Variants in MUC5B observed in about 807,000 individuals in gnomAD.
MUC5B encodes mucin-5B.
In MUC5B, 116 loss-of-function variants were observed where a neutral mutation model predicts 376.9. The ratio of observed to expected loss-of-function variants is 0.31; its 90% CI spans 0.26 to 0.36. The LOEUF (loss-of-function observed/expected upper bound fraction) is 0.36, where lower values mean the gene tolerates loss of function less well. MUC5B is among the 10% of genes least tolerant of loss of function. MUC5B has a pLI of 1.00. For missense variants in MUC5B, 7,165 were observed against 7,769.9 expected (o/e 0.92, Z 2.93); for synonymous variants, 3,517 against 3,390.9 (o/e 1.04, Z -1.29).
chr11:1,233,323 G>A (rs996108868), intron 18 of MUC5B, 55 bp downstream of exon 18: 48 of 1,456,752 alleles, frequency 3.3e-5, no homozygotes, highest in Middle Eastern at 2.0e-4. Context: ...GCCACTTCCC[G>A]CCCTCCCCGA....
rs369723768 is a variant in MUC5B at position 1,245,338 on chromosome 11, G to A, written c.8458G>A (p.Glu2820Lys). 5.5e-5 allele frequency: 87 copies of A among 1,593,864 alleles called. 3 individuals are homozygous for A. Among genetic ancestry groups the A allele is most frequent in the Non-Finnish European group, 7.2e-5 (84 of 1,170,804 alleles). ...SSPHPSSRTT[E>K]SPPSPGTTTP... The stretch of plus-strand genomic sequence containing the variant: ...CCCTCACCCTAGCAGCAGGACCACC[G>A]AGTCACCCCCTTCTCCAGGGACGAC... Residue 2820 changes from glutamate (E) to lysine (K), a missense_variant, in exon 31 of 49, where the codon GAG becomes AAG. Physicochemically the swap from Glu to Lys is moderately conservative, Grantham distance 56. This residue lies in a region of MUC5B where 50 missense variants were observed against 66.4 expected (regional missense o/e 0.75). Coordinates refer to ENST00000529681, the MANE Select transcript of MUC5B (RefSeq NM_002458.3).
chr11:1,228,109 G>A (rs150171247), intron 7 of MUC5B, among the ~76,000 whole-genome samples: 39 of 152,310 alleles, frequency 2.6e-4, no homozygotes, highest in African/African-American at 8.9e-4. Flanking sequence ...GAGGCTCCAG[G>A]ATCCCCAAAC....
rs1416351964 is a variant in MUC5B, at chr11:1,258,083, C to T, written c.16451-16C>T. 6.4e-7 allele frequency: 1 copy of T among 1,563,202 alleles called. No homozygotes were observed. Among genetic ancestry groups the T allele is most frequent in the South Asian group, 1.2e-5 (1 of 85,074 alleles). On this transcript the variant is annotated splice_polypyrimidine_tract_variant and intron_variant, in intron 41 of 48. Coordinates refer to ENST00000529681, the MANE Select transcript of MUC5B (RefSeq NM_002458.3). The surrounding 1 kb of genome is among the most constrained non-coding windows in gnomAD (Gnocchi z 5.5). ...GAGTGAGCAGCGCCCAGACAGTGGCCTCCATCCTCCCGCAGTGTGCAACAC... is the reference window on the plus strand; with the variant it reads ...GAGTGAGCAGCGCCCAGACAGTGGCTTCCATCCTCCCGCAGTGTGCAACAC...
At chr11:1,235,524 G>A in intron 23 of MUC5B, 111 bp downstream of exon 23, 1 of 907,092 alleles carries the variant, frequency 1.1e-6, no homozygotes, top group African/African-American at 1.6e-5. Context: ...CAGTGTCCTG[G>A]CCCCGGGCTG....
chr11:1,257,687 C>A lies in MUC5B; in HGVS notation c.16427C>A (p.Pro5476His), dbSNP rs772934156. The A allele has an allele frequency of 1.9e-6, 3 of 1,565,472 alleles. No homozygotes were observed. The highest frequency in any genetic ancestry group is 1.7e-6 in the Non-Finnish European group (2 of 1,163,168). ...GTGACCAGGCCCCGGGCCGAGAACC[C>A]CTGCTGCCCCGAGACGGTGTGCGGT... ...VTVTRPRAEN[P>H]CCPETVCVCN... The change falls in exon 41 of 49, where the codon CCC becomes CAC. Residue 5476 changes from proline to histidine, a missense_variant. Physicochemically the swap from Pro to His is moderately conservative, Grantham distance 77. Around this residue, in one of 31 missense-constraint regions of MUC5B, gnomAD observed 842 missense variants for 1,016.9 expected, o/e 0.83. Transcript: ENST00000529681. This position sits in a 1 kb window ranked among gnomAD's most constrained non-coding sequence, Gnocchi z 8.9.
rs537188799 is a variant in MUC5B, at chr11:1,245,359, A to T, written c.8479A>T (p.Thr2827Ser). ...CACCGAGTCACCCCCTTCTCCAGGGACGACCACCCCGGGCCACACCAGGGC... is the reference window on the plus strand; with the variant it reads ...CACCGAGTCACCCCCTTCTCCAGGGTCGACCACCCCGGGCCACACCAGGGC... ...RTTESPPSPG[T>S]TTPGHTRATS... The change falls in exon 31 of 49, where the codon ACG becomes TCG. Residue 2827 changes from threonine to serine, a missense_variant. Thr to Ser is a moderately conservative substitution (Grantham distance 58). This residue lies in a region of MUC5B where 50 missense variants were observed against 66.4 expected (regional missense o/e 0.75). Transcript: ENST00000529681. The T allele has an allele frequency of 8.8e-6, 14 of 1,585,222 alleles. 1 individual carries two copies. In the African/African-American group the frequency reaches 2.0e-4, roughly 22 times the overall value.
In MUC5B at chr11:1,244,810, G is replaced by A. The variant is rs1428543710; in HGVS notation, c.7930G>A (p.Gly2644Ser). 2.1e-5 allele frequency: 34 copies of A among 1,613,264 alleles called. No individual in the cohort carries two copies. Among genetic ancestry groups the A allele is most frequent in the Non-Finnish European group, 2.9e-5 (34 of 1,179,698 alleles). ...ISTTTTPTTRGSTVTPSSIPG... is the reference protein window; with the variant it reads ...ISTTTTPTTRSSTVTPSSIPG... ...CACAACCACCACACCCACAACCAGA[G>A]GTTCCACGGTGACCCCCTCCTCCAT... Residue 2644 changes from glycine (G) to serine (S), a missense_variant, in exon 31 of 49, where the codon GGT becomes AGT. Around this residue, in one of 31 missense-constraint regions of MUC5B, gnomAD observed 141 missense variants for 111.2 expected, o/e 1.27. Transcript: ENST00000529681.
At position 1,230,544 on chromosome 11, in the gene MUC5B, A is replaced by G. The variant is rs1335283272; in HGVS notation, c.1414A>G (p.Thr472Ala). ...VLAELRKCGL[T>A]DNENCLKAVT... ...GGCTGAGCTGCGGAAGTGCGGCCTG[A>G]CGGACAACGAGAACTGCCTGAAAGC... Residue 472 changes from threonine to alanine, a missense_variant, in exon 12 of 49, where the codon ACG becomes GCG. This residue lies in a region of MUC5B where 640 missense variants were observed against 733.0 expected (regional missense o/e 0.87). Transcript: ENST00000529681. The G allele has an allele frequency of 2.5e-6, 4 of 1,611,678 alleles. No individual in the cohort carries two copies. Among genetic ancestry groups the G allele is most frequent in the Middle Eastern group, 1.6e-4 (1 of 6,072 alleles).
rs753573506 is a variant in MUC5B at position 1,233,277 on chromosome 11, C to T, written c.2321+9C>T. 14 of 1,537,976 alleles carry T rather than the reference C, an allele frequency of 9.1e-6. No homozygotes were observed. Among genetic ancestry groups the T allele is most frequent in the Middle Eastern group, 1.7e-4 (1 of 5,858 alleles). On this transcript the variant is annotated intron_variant, in intron 18 of 48. Coordinates refer to ENST00000529681, the MANE Select transcript of MUC5B (RefSeq NM_002458.3). ...GACGAGGGCGCCGTGTGGTAAGGGT[C>T]TGGGGGGAAAGCAGGCCCCCCAGGT...
At chr11:1,224,353 G>T (rs1159833193) in intron 1 of MUC5B, among the ~76,000 whole-genome samples, 2 of 152,080 alleles carry the variant, frequency 1.3e-5, no homozygotes, top group African/African-American at 4.8e-5. Context: ...TGGGGTGGCT[G>T]GTGGTGGGCA....
In MUC5B at chr11:1,246,825, C is replaced by T; in HGVS notation, c.9945C>T (p.Gly3315=). 1.9e-6 allele frequency: 3 copies of T among 1,607,544 alleles called. No homozygotes were observed. The highest frequency in any genetic ancestry group is 2.6e-6 in the Non-Finnish European group (3 of 1,175,334). The change falls in exon 31 of 49, where the codon GGC becomes GGT. Residue 3315 remains glycine (G), a synonymous_variant. Transcript: ENST00000529681. ...AAGTGCCGACTACCACAACCACGGG[C>T]TTCACAGCCACCCCCTCCTCCAGCC... is the stretch of plus-strand genomic sequence containing the variant. The part of the protein sequence containing the change: ...TTKVPTTTTT[G]FTATPSSSPG...
chr11:1,260,822 G>A, intron 48 of MUC5B, 94 bp downstream of exon 48: 1 of 915,982 alleles, frequency 1.1e-6, no homozygotes, highest in Non-Finnish European at 1.7e-6. Flanking sequence ...TGGGTCAGGA[G>A]GGCCTACGCC....
In MUC5B at chr11:1,241,686, CT is replaced by C; in HGVS notation, c.4807del (p.Cys1603AlafsTer37). On this transcript the variant is annotated frameshift_variant, in exon 31 of 49. Transcript: ENST00000529681. LOFTEE classifies it high-confidence loss of function. ...GGGTCCTCTGCTGCAGTGACGACCA[CT>C]GCAGGGGACGTGCCACAACCCCGCC... is the stretch of plus-strand genomic sequence containing the variant. ...IRVLCCSDDH[C>X]RGRATTPPPT... is the part of the protein sequence containing the mutation. The C allele has an allele frequency of 1.9e-6, 3 of 1,612,396 alleles. No homozygotes were observed. Among genetic ancestry groups the C allele is most frequent in the Non-Finnish European group, 2.5e-6 (3 of 1,179,662 alleles).
intron 1 of MUC5B, among the ~76,000 whole-genome samples, chr11:1,224,363 A>C (rs1478265770): frequency 1.3e-5 from 2 of 151,828 alleles, no homozygotes; most frequent in African/African-American, 4.8e-5. Context: ...GGTGGTGGGC[A>C]CTTCTCTGGC....
rs367588504 is a variant in MUC5B, at chr11:1,229,721, C to G, written c.1134C>G (p.Gly378=). The G allele has an allele frequency of 1.3e-6, 2 of 1,591,542 alleles. No individual in the cohort carries two copies. The highest frequency in any genetic ancestry group is 1.1e-5 in the South Asian group (1 of 87,928). The change falls in exon 10 of 49, where the codon GGC becomes GGG. Residue 378 remains glycine (G), a synonymous_variant. Coordinates refer to ENST00000529681, the MANE Select transcript of MUC5B (RefSeq NM_002458.3). ...GTVLDDITHS[G]CLPLGQCPCT... ...TGCTGGATGACATCACGCACTCTGG[C>G]TGCCTGCCCCTCGGGCAGTGCCCCT...
rs61869660 is a variant in MUC5B, at chr11:1,247,282, C to T, written c.10402C>T (p.Arg3468Cys). 8.0e-5 allele frequency: 129 copies of T among 1,611,906 alleles called. 1 individual carries two copies. The highest frequency in any genetic ancestry group is 9.2e-5 in the Non-Finnish European group (109 of 1,179,562). ...GCCCCCCAGCAGTCCCCACACGGTG[C>T]GCACAGCCTGGACTTCGGCCACCTC... ...SLPPSSPHTV[R>C]TAWTSATSGI... The change falls in exon 31 of 49, where the codon CGC becomes TGC. Residue 3468 changes from arginine (R) to cysteine (C), a missense_variant. Transcript: ENST00000529681.
At position 1,231,571 on chromosome 11, in the gene MUC5B, G is replaced by A; in HGVS notation, c.1678+11G>A. ...AGGGCCAGATGTGCGGTGAGGCTGGGCAGGGGCCTTCGGGGACAGGGCCAT... is the reference window on the plus strand; with the variant it reads ...AGGGCCAGATGTGCGGTGAGGCTGGACAGGGGCCTTCGGGGACAGGGCCAT... On this transcript the variant is annotated intron_variant, in intron 14 of 48. Transcript: ENST00000529681. 1 of 1,562,332 alleles carries A rather than the reference G, an allele frequency of 6.4e-7. No homozygotes were observed. Among genetic ancestry groups the A allele is most frequent in the Non-Finnish European group, 8.6e-7 (1 of 1,156,516 alleles).
At chr11:1,260,533 A>C in intron 47 of MUC5B, 93 bp from the exon 48 acceptor site, 1 of 1,455,492 alleles carries the variant, frequency 6.9e-7, no homozygotes, top group South Asian at 1.2e-5. Context: ...GGGCCATGGG[A>C]GGGGTGGTCC....
chr11:1,234,183 TC>T lies in MUC5B; in HGVS notation c.2378-19del. 5 of 1,574,326 alleles carry T rather than the reference TC, an allele frequency of 3.2e-6. No individual in the cohort carries two copies. Among genetic ancestry groups the T allele is most frequent in the Non-Finnish European group, 4.3e-6 (5 of 1,158,496 alleles). On this transcript the variant is annotated intron_variant, in intron 19 of 48. Transcript: ENST00000529681. The surrounding 1 kb of genome is among the most constrained non-coding windows in gnomAD (Gnocchi z 6.3). ...CGTGGCTGCCCTTCCCCAGGACCCC[TC>T]CCACCAAGCTCTGTCCCCAGGGTGT...
Sources: gnomAD v4.1 joint callset for allele counts (sites outside exome capture counted in the v4.1 genomes callset) on GRCh38, gnomAD v4.1.1 for gene constraint, gnomAD v4.1.1 regional missense constraint, Gnocchi (gnomAD v3.1) non-coding constraint, MANE v1.5 for transcripts, NCBI Gene and HGNC (gene_info 2026-07-23, HGNC 2026-07-21) for gene names.